The following BACH2 variants were observed in gnomAD, a reference collection of about 807,000 sequenced individuals.
BACH2 encodes the protein BACH transcriptional regulator 2, also known as transcription regulator protein BACH2.
A neutral mutation model predicts 61.8 loss-of-function variants in BACH2; 5 were observed. That is an observed-to-expected ratio of 0.08 (90% CI 0.04 to 0.17). The LOEUF (loss-of-function observed/expected upper bound fraction) is 0.17. Ranked by LOEUF, BACH2 falls within the 10% of genes least tolerant of loss-of-function variation. The pLI is 1.00. For synonymous variants in BACH2, 446 were observed against 440.1 expected (o/e 1.01, Z -0.17); for missense variants, 824 against 1,091.1 (o/e 0.76, Z 3.45).
At chr6:90,002,223 G>A (rs923302714) in intron 6 of BACH2, among the ~76,000 whole-genome samples, 16 of 152,152 alleles carry the variant, frequency 1.1e-4, no homozygotes, top group African/African-American at 3.9e-4. Context: ...CTACCTTGCC[G>A]GCTCCTCTTC....
intron 6 of BACH2, among the ~76,000 whole-genome samples, chr6:89,964,030 T>G (rs10944467): frequency 0.098 from 14,842 of 151,474 alleles, 827 homozygotes; most frequent in East Asian, 0.19. Flanking sequence ...CACAGGAAGG[T>G]GAATATCACA....
intron 6 of BACH2, among the ~76,000 whole-genome samples, chr6:89,988,658 G>C (rs1399234142): frequency 1.3e-5 from 2 of 152,138 alleles, no homozygotes; most frequent in Non-Finnish European, 2.9e-5. Flanking sequence ...AGGAGAGGAG[G>C]GTGAAGAACA....
chr6:90,223,484 T>G (rs567738752), intron 3 of BACH2, among the ~76,000 whole-genome samples: 1 of 152,286 alleles, frequency 6.6e-6, no homozygotes, highest in South Asian at 2.1e-4. Flanking sequence ...GCTGACTTTT[T>G]TGAGACAGGG....
At chr6:90,087,219 TATA>T (rs1249075133) in intron 5 of BACH2, among the ~76,000 whole-genome samples, 1 of 152,318 alleles carries the variant, frequency 6.6e-6, no homozygotes, top group East Asian at 1.9e-4. Flanking sequence ...TCCAGAGAGT[TATA>T]ATAAGAGAAC....
intron 6 of BACH2, among the ~76,000 whole-genome samples, chr6:89,964,337 T>C (rs569582933): frequency 6.6e-6 from 1 of 152,172 alleles, no homozygotes; most frequent in African/African-American, 2.4e-5. Context: ...TTTTCCAAGA[T>C]GAAAAAACTT....
chr6:89,991,446 T>C (rs1776554534), intron 6 of BACH2, among the ~76,000 whole-genome samples: 1 of 152,170 alleles, frequency 6.6e-6, no homozygotes, highest in African/African-American at 2.4e-5. Context: ...TGTATATCTA[T>C]ACAGTCCTGT....
intron 4 of BACH2, among the ~76,000 whole-genome samples, chr6:90,109,717 T>C (rs141050070): frequency 6.6e-6 from 1 of 152,160 alleles, no homozygotes. Context: ...GGGACAAATA[T>C]CTGAAGATGA....
intron 6 of BACH2, among the ~76,000 whole-genome samples, chr6:89,963,586 T>C (rs1248173599): frequency 1.3e-5 from 2 of 152,200 alleles, no homozygotes; most frequent in Non-Finnish European, 2.9e-5. Context: ...GTCACTGCAT[T>C]TGGCCCTTGT....
intron 5 of BACH2, among the ~76,000 whole-genome samples, chr6:90,009,271 G>T (rs1261245283): frequency 6.6e-6 from 1 of 152,190 alleles, no homozygotes; most frequent in African/African-American, 2.4e-5. Flanking sequence ...AAGAGGAAAT[G>T]AATCATTTTG....
chr6:90,221,968 A>T (rs1769749123), intron 3 of BACH2, among the ~76,000 whole-genome samples: 1 of 152,240 alleles, frequency 6.6e-6, no homozygotes, highest in African/African-American at 2.4e-5. Context: ...AAGGTGAACT[A>T]AACCTGTAAT....
chr6:90,228,615 G>A (rs1295128940), intron 3 of BACH2, among the ~76,000 whole-genome samples: 1 of 152,098 alleles, frequency 6.6e-6, no homozygotes, highest in Non-Finnish European at 1.5e-5. Context: ...CAGGCTTGGT[G>A]GCACACCAAG....
intron 6 of BACH2, among the ~76,000 whole-genome samples, chr6:89,969,706 C>T (rs1270785220): frequency 6.6e-6 from 1 of 152,182 alleles, no homozygotes. Flanking sequence ...AATGAAACTT[C>T]AAATGGGGCT....
chr6:90,204,655 C>T (rs1361700098), intron 4 of BACH2, among the ~76,000 whole-genome samples: 2 of 152,112 alleles, frequency 1.3e-5, no homozygotes, highest in Non-Finnish European at 2.9e-5. Flanking sequence ...AAACTTAGGG[C>T]GGAGCTGTCA....
intron 6 of BACH2, among the ~76,000 whole-genome samples, chr6:89,999,744 T>C (rs1260413632): frequency 6.6e-6 from 1 of 152,176 alleles, no homozygotes; most frequent in East Asian, 1.9e-4. Flanking sequence ...GGATATTTTG[T>C]TCATATACAG....
chr6:90,210,714 G>A (rs1471922725), intron 3 of BACH2, among the ~76,000 whole-genome samples: 1 of 152,080 alleles, frequency 6.6e-6, no homozygotes, highest in African/African-American at 2.4e-5. Flanking sequence ...TGAACAAAAG[G>A]AAAACTACAG....
At chr6:90,128,220 A>G (rs1783938922) in intron 4 of BACH2, among the ~76,000 whole-genome samples, 1 of 152,176 alleles carries the variant, frequency 6.6e-6, no homozygotes, top group Admixed American at 6.5e-5. Context: ...CAAATGACTG[A>G]CAATTTAAGG....
chr6:90,238,524 A>G lies in BACH2; in HGVS notation c.-275+13989T>C, dbSNP rs141355004. Reference sequence around the variant, plus strand: ...CTACAAAGAAAAAAACTCACTCCTAATAAGAATGAATTTAAAAACTCTTCC... The same window carrying G: ...CTACAAAGAAAAAAACTCACTCCTAGTAAGAATGAATTTAAAAACTCTTCC... On this transcript the variant is annotated intron_variant, in intron 3 of 8. Coordinates refer to ENST00000257749, the MANE Select transcript of BACH2 (RefSeq NM_021813.4). Among the ~76,000 whole-genome samples the G allele has an allele frequency of 3.9e-4, 60 of 152,354 alleles. 1 individual carries two copies. The highest frequency in any genetic ancestry group is 1.3e-3 in the African/African-American group (56 of 41,574).
In BACH2 at chr6:89,969,207, C is replaced by T. The variant is rs111653070; in HGVS notation, c.244-17345G>A. ...TAGCTGGGATTACAGGAATGTGTCACCACGCCCAGCTAATTTTTTTGTATT... is the reference window on the plus strand; with the variant it reads ...TAGCTGGGATTACAGGAATGTGTCATCACGCCCAGCTAATTTTTTTGTATT... On this transcript the variant is annotated intron_variant, in intron 6 of 8. Transcript: ENST00000257749. 1.0e-2 allele frequency among the ~76,000 whole-genome samples: 1,517 copies of T among 151,900 alleles called. 30 individuals carry two copies. The highest frequency in any genetic ancestry group is 0.035 in the African/African-American group (1,443 of 41,448).
intron 3 of BACH2, among the ~76,000 whole-genome samples, chr6:90,215,045 G>A (rs1769485503): frequency 6.6e-6 from 1 of 152,082 alleles, no homozygotes; most frequent in Non-Finnish European, 1.5e-5. Flanking sequence ...ATGAGCCACT[G>A]TATCTGGCCA....
Sources: gnomAD v4.1 joint callset for allele counts (sites outside exome capture counted in the v4.1 genomes callset) on GRCh38, gnomAD v4.1.1 for gene constraint, MANE v1.5 for transcripts, NCBI Gene and HGNC (gene_info 2026-07-23, HGNC 2026-07-21) for gene names.